The following HECW2 variants were observed in gnomAD, a reference collection of about 807,000 sequenced individuals.
The protein encoded by HECW2 is E3 ubiquitin-protein ligase HECW2.
HECW2 carries 61 observed loss-of-function variants against 175.2 expected under a neutral mutation model. The ratio of observed to expected loss-of-function variants is 0.35; its 90% CI spans 0.28 to 0.43. HECW2 has a LOEUF of 0.43. Among genes scored for constraint, HECW2 ranks in the 20% least tolerant of loss-of-function variants. The pLI, the probability that HECW2 is intolerant of heterozygous loss-of-function variation, is 1.00. For missense variants in HECW2, 1,524 were observed against 2,000.5 expected (o/e 0.76, Z 4.54); for synonymous variants, 671 against 731.0 (o/e 0.92, Z 1.32).
intron 1 of HECW2, among the ~76,000 whole-genome samples, chr2:196,521,417 T>G (rs910590418): frequency 4.0e-5 from 6 of 151,898 alleles, no homozygotes; most frequent in Admixed American, 2.6e-4. Context: ...TTTCAGAAAC[T>G]TATATATGAA....
At chr2:196,257,662 G>T (rs1689115073) in intron 18 of HECW2, 161 bp downstream of exon 18, 2 of 597,624 alleles carry the variant, frequency 3.3e-6, no homozygotes, top group Non-Finnish European at 5.9e-6. Flanking sequence ...TGAAGTGAAT[G>T]ATCACTCAAT....
intron 2 of HECW2, among the ~76,000 whole-genome samples, chr2:196,395,797 C>A (rs1356141815): frequency 6.6e-6 from 1 of 151,690 alleles, no homozygotes; most frequent in Non-Finnish European, 1.5e-5. Context: ...TGAAATGGTG[C>A]AGCTGCTATG....
intron 2 of HECW2, among the ~76,000 whole-genome samples, chr2:196,380,429 C>A (rs532594431): frequency 3.3e-5 from 5 of 152,338 alleles, no homozygotes; most frequent in South Asian, 2.1e-4. Flanking sequence ...TCAAAGCCTG[C>A]TATGCACATC....
chr2:196,583,037 T>A (rs1690848555), intron 1 of HECW2, among the ~76,000 whole-genome samples: 1 of 152,158 alleles, frequency 6.6e-6, no homozygotes, highest in Non-Finnish European at 1.5e-5. Context: ...GTATTGGAGT[T>A]TGAGACAAGT....
chr2:196,347,487 C>T (rs1199295906), intron 2 of HECW2, among the ~76,000 whole-genome samples: 1 of 152,208 alleles, frequency 6.6e-6, no homozygotes, highest in Non-Finnish European at 1.5e-5. Flanking sequence ...GCTGGGATTA[C>T]AGGCATGAGC....
intron 2 of HECW2, among the ~76,000 whole-genome samples, chr2:196,404,791 A>G (rs558815550): frequency 4.1e-5 from 6 of 144,728 alleles, no homozygotes; most frequent in South Asian, 2.3e-4. Context: ...CCTGTTGGTA[A>G]TATTTCTTTT....
chr2:196,268,154 G>C (rs1689587550), intron 17 of HECW2, among the ~76,000 whole-genome samples: 1 of 152,158 alleles, frequency 6.6e-6, no homozygotes, highest in Non-Finnish European at 1.5e-5. Context: ...ACGATGTTAT[G>C]ATAAGCAAAA....
At chr2:196,373,451 G>A (rs1693960368) in intron 2 of HECW2, among the ~76,000 whole-genome samples, 1 of 152,140 alleles carries the variant, frequency 6.6e-6, no homozygotes, top group Non-Finnish European at 1.5e-5. Flanking sequence ...AAAAGCAGAT[G>A]GCATTCATCC....
intron 1 of HECW2, among the ~76,000 whole-genome samples, chr2:196,557,303 G>A (rs1193502585): frequency 6.6e-6 from 1 of 151,936 alleles, no homozygotes; most frequent in Non-Finnish European, 1.5e-5. Context: ...GTTGAGGCAG[G>A]AGAATTGCTT....
intron 2 of HECW2, among the ~76,000 whole-genome samples, chr2:196,389,122 A>C (rs1411910652): frequency 6.6e-6 from 1 of 152,216 alleles, no homozygotes; most frequent in East Asian, 1.9e-4. Flanking sequence ...CATTCAGGAC[A>C]AACTTTTCAC....
intron 2 of HECW2, among the ~76,000 whole-genome samples, chr2:196,358,754 A>G (rs1017563048): frequency 1.3e-5 from 2 of 152,162 alleles, no homozygotes; most frequent in Admixed American, 1.3e-4. Context: ...ATATACATAA[A>G]TTAAAACAAA....
At chr2:196,546,560 T>G (rs1449932280) in intron 1 of HECW2, among the ~76,000 whole-genome samples, 2 of 152,090 alleles carry the variant, frequency 1.3e-5, no homozygotes, top group Non-Finnish European at 2.9e-5. Flanking sequence ...GGTGCACAAG[T>G]TTTTAACCTT....
intron 1 of HECW2, among the ~76,000 whole-genome samples, chr2:196,492,199 G>A (rs1687223461): frequency 6.6e-6 from 1 of 152,154 alleles, no homozygotes; most frequent in South Asian, 2.1e-4. Context: ...TACAAAACCT[G>A]CAGATTGTCA....
At chr2:196,522,090 A>G (rs1303307450) in intron 1 of HECW2, among the ~76,000 whole-genome samples, 5 of 152,270 alleles carry the variant, frequency 3.3e-5, no homozygotes, top group South Asian at 2.1e-4. Context: ...CTAGTTTACA[A>G]TCCCACCAAC....
intron 1 of HECW2, among the ~76,000 whole-genome samples, chr2:196,578,728 C>A (rs1187460638): frequency 2.0e-5 from 3 of 152,114 alleles, no homozygotes; most frequent in African/African-American, 4.8e-5. Context: ...AACAAAAGGT[C>A]AACCAAGACT....
intron 23 of HECW2, 68 bp from the exon 24 acceptor site, chr2:196,222,408 G>GACTAAGAAACTAAGAATTAAAGAGAATT: frequency 6.9e-7 from 1 of 1,450,104 alleles, no homozygotes; most frequent in South Asian, 1.2e-5. Context: ...GAGTCATAAG[G>GACTAAGAAACTAAGAATTAAAGAGAATT]AAAGAAACTA....
intron 2 of HECW2, among the ~76,000 whole-genome samples, chr2:196,387,214 T>C (rs1018850179): frequency 2.0e-5 from 3 of 152,184 alleles, no homozygotes; most frequent in Non-Finnish European, 2.9e-5. Context: ...CTCCATTAGT[T>C]AGAATATGCT....
intron 21 of HECW2, among the ~76,000 whole-genome samples, chr2:196,233,139 G>C (rs1411975030): frequency 6.6e-6 from 1 of 152,140 alleles, no homozygotes; most frequent in Non-Finnish European, 1.5e-5. Flanking sequence ...ATATCACAGG[G>C]ATTGTCTGTT....
chr2:196,580,654 C>CAAAAAAAAAAAAAAA (rs56875271), intron 1 of HECW2, among the ~76,000 whole-genome samples: 1 of 91,970 alleles, frequency 1.1e-5, no homozygotes. Flanking sequence ...GCTACAATGG[C>CAAAAAAAAAAAAAAA]AAAAAAAAAA....
Sources: gnomAD v4.1 joint callset for allele counts (sites outside exome capture counted in the v4.1 genomes callset) on GRCh38, gnomAD v4.1.1 for gene constraint, MANE v1.5 for transcripts, NCBI Gene and HGNC (gene_info 2026-07-23, HGNC 2026-07-21) for gene names.